HDAC9: variants seen among roughly 807,000 people sequenced by gnomAD.
HDAC9 encodes MEF-2 interacting transcription repressor (MITR) protein.
HDAC9 carries 41 observed loss-of-function variants against 139.4 expected under a neutral mutation model. That is an observed-to-expected ratio of 0.29 (90% confidence interval 0.23 to 0.38). The LOEUF is 0.38. Among genes scored for constraint, HDAC9 ranks in the 10% least tolerant of loss-of-function variants. The probability of loss-of-function intolerance (pLI) is 1.00; values close to 1 mark genes in which losing one functional copy is unlikely to be tolerated. For missense variants in HDAC9, 1,147 were observed against 1,297.0 expected (o/e 0.88, Z 1.78); for synonymous variants, 517 against 476.2 (o/e 1.09, Z -1.12).
intron 2 of HDAC9, among the ~76,000 whole-genome samples, chr7:18,166,767 C>T (rs1474252641): frequency 6.6e-6 from 1 of 152,160 alleles, no homozygotes; most frequent in East Asian, 1.9e-4. Flanking sequence ...TACTCCAGTG[C>T]ATTACCCACA....
At chr7:18,762,047 T>C (rs1214136559) in intron 14 of HDAC9, 110 bp from the exon 15 acceptor site, 2 of 1,162,264 alleles carry the variant, frequency 1.7e-6, no homozygotes, top group African/African-American at 3.0e-5. Flanking sequence ...GTCACATTCC[T>C]ACATGATGAA....
intron 6 of HDAC9, among the ~76,000 whole-genome samples, chr7:18,613,651 G>A (rs1311294308): frequency 6.6e-6 from 1 of 152,008 alleles, no homozygotes; most frequent in East Asian, 1.9e-4. Flanking sequence ...TTACCTATAT[G>A]ATTGAGTTTA....
chr7:18,229,823 A>G (rs1270831583), intron 2 of HDAC9, among the ~76,000 whole-genome samples: 1 of 152,174 alleles, frequency 6.6e-6, no homozygotes, highest in African/African-American at 2.4e-5. Flanking sequence ...CAAAGATCAA[A>G]TTCTTCAATT....
chr7:18,933,466 C>A (rs1781406482), intron 22 of HDAC9, among the ~76,000 whole-genome samples: 1 of 152,028 alleles, frequency 6.6e-6, no homozygotes, highest in Non-Finnish European at 1.5e-5. Flanking sequence ...GAAGACTCTA[C>A]ATAATTATCA....
chr7:18,633,783 G>A (rs1783031078), intron 7 of HDAC9, among the ~76,000 whole-genome samples: 1 of 151,928 alleles, frequency 6.6e-6, no homozygotes. Flanking sequence ...TTGATAAGAT[G>A]ACTTCTCTAG....
intron 25 of HDAC9, among the ~76,000 whole-genome samples, chr7:18,991,494 A>C (rs1028917366): frequency 3.9e-5 from 6 of 152,098 alleles, no homozygotes. Flanking sequence ...AAAATTAGCC[A>C]GGTGTGGTGG....
At chr7:18,332,109 G>A (rs1015753557) in intron 1 of HDAC9, among the ~76,000 whole-genome samples, 1 of 151,644 alleles carries the variant, frequency 6.6e-6, no homozygotes, top group Non-Finnish European at 1.5e-5. Context: ...TTTGGAGTTC[G>A]AATAAAAGTT....
At chr7:18,087,921 G>T (rs1256772028) in intron 1 of HDAC9, 1 of 152,290 alleles carries the variant, frequency 6.6e-6, no homozygotes, top group East Asian at 1.9e-4. Flanking sequence ...TGTCTGTGAT[G>T]TGACAGAGCG....
At chr7:18,664,061 T>C (rs1794055753) in intron 11 of HDAC9, among the ~76,000 whole-genome samples, 2 of 152,202 alleles carry the variant, frequency 1.3e-5, no homozygotes, top group Non-Finnish European at 2.9e-5. Context: ...ATTAAATGGG[T>C]TCCTACAACT....
At chr7:18,174,671 C>G (rs1788734187) in intron 2 of HDAC9, among the ~76,000 whole-genome samples, 1 of 152,108 alleles carries the variant, frequency 6.6e-6, no homozygotes, top group Non-Finnish European at 1.5e-5. Context: ...TGATGCTATT[C>G]CTTTCTGTTT....
At position 18,569,941 on chromosome 7, in the gene HDAC9, T is replaced by G. The variant is rs573788440; in HGVS notation, c.23-15340T>G. Among the ~76,000 whole-genome samples, 4 of 152,326 alleles carry G rather than the reference T, an allele frequency of 2.6e-5. No homozygotes were observed. The South Asian group carries it at 6.2e-4, about 24-fold the overall frequency. On this transcript the variant is annotated intron_variant, in intron 2 of 25. Coordinates refer to ENST00000686413, the MANE Select transcript of HDAC9 (RefSeq NM_178425.4). The stretch of plus-strand genomic sequence containing the variant: ...CATGCTGTCAAAAAACAGCTGCCTC[T>G]TACTTTTTGTTACTACTTTCTTCAA...
chr7:18,897,372 G>C (rs1801298300), intron 22 of HDAC9, among the ~76,000 whole-genome samples: 1 of 151,898 alleles, frequency 6.6e-6, no homozygotes, highest in African/African-American at 2.4e-5. Context: ...TTTATGATTT[G>C]TCAAAACTCT....
intron 1 of HDAC9, among the ~76,000 whole-genome samples, chr7:18,154,659 T>G (rs1787040060): frequency 6.6e-6 from 1 of 152,208 alleles, no homozygotes; most frequent in African/African-American, 2.4e-5. Flanking sequence ...ACAAGAGCAC[T>G]TTGCTCAACG....
intron 1 of HDAC9, among the ~76,000 whole-genome samples, chr7:18,121,350 C>G (rs954881962): frequency 2.6e-5 from 4 of 151,982 alleles, no homozygotes; most frequent in African/African-American, 7.3e-5. Flanking sequence ...TACACTTCCA[C>G]AGGGTGTCGG....
At chr7:18,208,429 G>C (rs545407642) in intron 2 of HDAC9, among the ~76,000 whole-genome samples, 2 of 143,650 alleles carry the variant, frequency 1.4e-5, no homozygotes, top group South Asian at 4.4e-4. Flanking sequence ...CTGGAGTACA[G>C]TGGCATGAAC....
chr7:18,584,786 G>A (rs1828946796), intron 2 of HDAC9, among the ~76,000 whole-genome samples: 1 of 152,190 alleles, frequency 6.6e-6, no homozygotes, highest in African/African-American at 2.4e-5. Context: ...ATCCAATAGT[G>A]CTGCAAATAC....
rs17139240 is a variant in HDAC9, at chr7:18,450,894, G to A, written c.-41-45368G>A. 7.1e-4 allele frequency among the ~76,000 whole-genome samples: 108 copies of A among 152,254 alleles called. 1 individual carries two copies. The East Asian group carries it at 0.018, about 26-fold the overall frequency. On this transcript the variant is annotated intron_variant, in intron 1 of 3. Coordinates refer to the HDAC9 transcript ENST00000413509. ...TATGCAACAAGACATAGAAAATGAG[G>A]GTGAAAGTGTCAAAGGGAAAAGAGT...
chr7:18,859,806 G>A (rs1186237125), intron 21 of HDAC9, among the ~76,000 whole-genome samples: 9 of 72,678 alleles, frequency 1.2e-4, no homozygotes, highest in Admixed American at 3.9e-4. Context: ...AAAGGCTAAC[G>A]CTCTCATATA....
rs1022756348 is a variant in HDAC9, at chr7:18,667,216, A to G, written c.1731+740A>G. On this transcript the variant is annotated intron_variant, in intron 12 of 25. Coordinates refer to ENST00000686413, the MANE Select transcript of HDAC9 (RefSeq NM_178425.4). ...TGTAATTTGATGACACTGTCTATCA[A>G]AAAAGAGCAAATGAAGCAGATGCAA... 7.1e-6 allele frequency: 7 copies of G among 985,240 alleles called. No homozygotes were observed. The African/African-American group carries it at 1.2e-4, about 17-fold the overall frequency. 61.0% of individuals were successfully genotyped at this position (985,240 alleles called of 1,614,324 possible). A position where few individuals can be genotyped will look rare whatever the true frequency, so the allele number is the denominator to read the frequency against.
Sources: gnomAD v4.1 joint callset for allele counts (sites outside exome capture counted in the v4.1 genomes callset) on GRCh38, gnomAD v4.1.1 for gene constraint, MANE v1.5 for transcripts, NCBI Gene and HGNC (gene_info 2026-07-23, HGNC 2026-07-21) for gene names.